PTAR1: variants seen among roughly 807,000 people sequenced by gnomAD.
PTAR1 encodes protein prenyltransferase alpha subunit repeat containing 1, also known as protein prenyltransferase alpha subunit repeat-containing protein 1.
Under a neutral mutation model 45.5 loss-of-function variants are expected in PTAR1, and 17 were observed. The ratio of observed to expected loss-of-function variants is 0.37; its 90% CI spans 0.26 to 0.56. The LOEUF (loss-of-function observed/expected upper bound fraction) is 0.56. Among genes scored for constraint, PTAR1 ranks in the 20% least tolerant of loss-of-function variants. The pLI is 0.77. For synonymous variants in PTAR1, 169 were observed against 171.3 expected (o/e 0.99, Z 0.11); for missense variants, 391 against 476.3 (o/e 0.82, Z 1.67).
chr9:69,734,451 T>G (rs1825689826), intron 3 of PTAR1, among the ~76,000 whole-genome samples, 197 bp from the exon 4 acceptor site: 1 of 152,046 alleles, frequency 6.6e-6, no homozygotes, highest in Non-Finnish European at 1.5e-5. Context: ...TAATCAAGAA[T>G]GTATTCTCAT....
intron 1 of PTAR1, among the ~76,000 whole-genome samples, chr9:69,751,190 A>G (rs984669045): frequency 3.3e-5 from 5 of 152,136 alleles, no homozygotes; most frequent in African/African-American, 9.7e-5. Context: ...AACTTAAAAA[A>G]AAGTCTTTCA....
At chr9:69,759,739 G>A (rs1042021077) in intron 1 of PTAR1, 114 bp downstream of exon 1, 1 of 1,044,276 alleles carries the variant, frequency 9.6e-7, no homozygotes, top group Non-Finnish European at 1.3e-6. Context: ...CTCCCTAGAA[G>A]GGCTCGTGGG....
rs540357988 is a variant in PTAR1 at position 69,759,341 on chromosome 9, T to C, written c.86+512A>G. On this transcript the variant is annotated intron_variant, in intron 1 of 7. Coordinates refer to ENST00000340434, the MANE Select transcript of PTAR1 (RefSeq NM_001099666.2). ...TATTATCGGAGTCACTTTACAATTT[T>C]GTGGCAAGTAAGGCTAAAGTCAAAA... Among the ~76,000 whole-genome samples the C allele has an allele frequency of 3.9e-5, 6 of 152,310 alleles. No homozygotes were observed. The South Asian group carries it at 1.2e-3, about 32-fold the overall frequency.
At position 69,718,343 on chromosome 9, in the gene PTAR1, C is replaced by T. The variant is rs770404404; in HGVS notation, c.1208G>A (p.Ter403=). Residue 403 remains the stop codon, a stop_retained_variant, in exon 8 of 8, where the codon TGA becomes TAA. Coordinates refer to ENST00000340434, the MANE Select transcript of PTAR1 (RefSeq NM_001099666.2). The stretch of plus-strand genomic sequence containing the variant: ...CCTTGTAGGACTAATTCACCTCTTT[C>T]ATTGACTCAAAGTAACCAGCCATTT... The part of the protein sequence containing the change: ...YRKWLVTLSQ[*] The T allele has an allele frequency of 3.1e-6, 5 of 1,592,584 alleles. No individual in the cohort carries two copies.
chr9:69,747,897 C>A (rs1359610620), intron 2 of PTAR1, among the ~76,000 whole-genome samples: 1 of 152,168 alleles, frequency 6.6e-6, no homozygotes, highest in East Asian at 1.9e-4. Context: ...ACTGTGAAGG[C>A]CCTTGAATAC....
chr9:69,733,378 C>A (rs919378592), intron 4 of PTAR1, among the ~76,000 whole-genome samples: 1 of 152,122 alleles, frequency 6.6e-6, no homozygotes, highest in African/African-American at 2.4e-5. Context: ...GACATAAGAT[C>A]CTAAAAATGC....
intron 6 of PTAR1, among the ~76,000 whole-genome samples, chr9:69,721,148 C>T (rs938874608): frequency 1.3e-5 from 2 of 152,174 alleles, no homozygotes; most frequent in Non-Finnish European, 2.9e-5. Flanking sequence ...ATTTTAGATG[C>T]CATTAAGAAC....
intron 3 of PTAR1, among the ~76,000 whole-genome samples, chr9:69,735,804 T>A (rs1825760908): frequency 6.6e-6 from 1 of 152,068 alleles, no homozygotes; most frequent in Non-Finnish European, 1.5e-5. Context: ...TTATACCATA[T>A]CTACTTAGAC....
chr9:69,734,231 G>A lies in PTAR1; in HGVS notation c.347C>T (p.Thr116Ile). 8 of 699,448 alleles carry A rather than the reference G, an allele frequency of 1.1e-5. No homozygotes were observed. Among genetic ancestry groups the A allele is most frequent in the Non-Finnish European group, 1.9e-5 (8 of 431,978 alleles). The allele number at this position is 699,448 out of a possible 1,614,324, so 43.3% of individuals were successfully genotyped here. ...ATGTAAATCCTTAATTGGATTTAAA[G>A]TGCCAGAGAGGATCAGCTCTTTCCT... ...NVRKELILSG[T>I]LNPIKDLHLG... The change falls in exon 4 of 8, where the codon ACT becomes ATT. Residue 116 changes from threonine (T) to isoleucine (I), a missense_variant. Thr to Ile is a moderately conservative substitution (Grantham distance 89). Around this residue, in one of 5 missense-constraint regions of PTAR1, gnomAD observed 152 missense variants for 160.0 expected, o/e 0.95. Coordinates refer to ENST00000340434, the MANE Select transcript of PTAR1 (RefSeq NM_001099666.2).
At chr9:69,734,277 A>AAAG in intron 3 of PTAR1, 23 bp from the exon 4 acceptor site, 1 of 1,176,298 alleles carries the variant, frequency 8.5e-7, no homozygotes, top group Non-Finnish European at 1.2e-6. Flanking sequence ...AAAAAAAAAA[A>AAAG]AAAAAAAATT....
chr9:69,717,139 G>C lies in PTAR1; in HGVS notation c.*1203C>G, dbSNP rs1306099798. On this transcript the variant is annotated 3_prime_UTR_variant, in exon 8 of 8. Coordinates refer to ENST00000340434, the MANE Select transcript of PTAR1 (RefSeq NM_001099666.2). Reference sequence around the variant, plus strand: ...ATTAAGTTCAGTATCAAAGTGTTTTGTTTTGCACATACTATTCCTTCCCTT... The same window carrying C: ...ATTAAGTTCAGTATCAAAGTGTTTTCTTTTGCACATACTATTCCTTCCCTT... The C allele has an allele frequency of 2.0e-5, 3 of 152,106 alleles. No homozygotes were observed. The highest frequency in any genetic ancestry group is 7.2e-5 in the African/African-American group (3 of 41,434). 9.4% of individuals were successfully genotyped at this position (152,106 alleles called of 1,614,324 possible). A position where few individuals can be genotyped will look rare whatever the true frequency, so the allele number is the denominator to read the frequency against.
At chr9:69,728,192 G>A (rs771806414) in intron 5 of PTAR1, among the ~76,000 whole-genome samples, 2 of 151,946 alleles carry the variant, frequency 1.3e-5, no homozygotes, top group African/African-American at 2.4e-5. Context: ...CCATTCCTCA[G>A]GTGAGGTATT....
At chr9:69,719,783 T>A (rs1442432031) in intron 6 of PTAR1, among the ~76,000 whole-genome samples, 3 of 152,206 alleles carry the variant, frequency 2.0e-5, no homozygotes, top group Non-Finnish European at 4.4e-5. Context: ...GTGTCACATT[T>A]TGGTAACATT....
Position 69,759,976 on chromosome 9 carries a change from G to A in PTAR1, c.-38C>T. The A allele has an allele frequency of 1.4e-6, 2 of 1,429,552 alleles. No homozygotes were observed. The highest frequency in any genetic ancestry group is 3.1e-5 in the East Asian group (1 of 31,816). The allele number at this position is 1,429,552 out of a possible 1,614,324, so 88.6% of individuals were successfully genotyped here. A position where few individuals can be genotyped will look rare whatever the true frequency, so the allele number is the denominator to read the frequency against. On this transcript the variant is annotated 5_prime_UTR_variant, in exon 1 of 8. In the 5' UTR this introduces an upstream ATG that the reference lacks. Coordinates refer to ENST00000340434, the MANE Select transcript of PTAR1 (RefSeq NM_001099666.2). ...CGCGACAGTTCGGGCGCGCCTCCGC[G>A]TGAGCCGGGCCGCCGGCGGGAGTTC...
chr9:69,756,516 T>C (rs1299120892), intron 1 of PTAR1, among the ~76,000 whole-genome samples: 1 of 152,162 alleles, frequency 6.6e-6, no homozygotes, highest in Non-Finnish European at 1.5e-5. Context: ...TTTTGCAGAA[T>C]GTATGAATGG....
intron 3 of PTAR1, among the ~76,000 whole-genome samples, chr9:69,734,827 CAT>C (rs1450429328): frequency 2.0e-5 from 3 of 152,168 alleles, no homozygotes; most frequent in African/African-American, 7.2e-5. Flanking sequence ...TACATTTTAA[CAT>C]ATAATTTTAC....
intron 5 of PTAR1, among the ~76,000 whole-genome samples, chr9:69,726,755 G>A (rs560802565): frequency 9.9e-5 from 15 of 151,424 alleles, no homozygotes; most frequent in Middle Eastern, 3.4e-3. Context: ...TGCCTATTTT[G>A]CCTAATTCTC....
chr9:69,755,022 A>G (rs1275900201), intron 1 of PTAR1, among the ~76,000 whole-genome samples: 1 of 152,200 alleles, frequency 6.6e-6, no homozygotes, highest in Non-Finnish European at 1.5e-5. Flanking sequence ...TATCAAACAT[A>G]TCTCTAGTTA....
chr9:69,730,854 A>G (rs1825503259), intron 5 of PTAR1, among the ~76,000 whole-genome samples: 1 of 152,078 alleles, frequency 6.6e-6, no homozygotes, highest in Admixed American at 6.6e-5. Context: ...TGGAGAACAG[A>G]GAAAGGAACT....
Sources: allele counts gnomAD v4.1 joint callset (sites outside exome capture counted in the v4.1 genomes callset), GRCh38; gene constraint gnomAD v4.1.1; regional missense constraint gnomAD v4.1.1; transcripts MANE v1.5; gene names NCBI Gene and HGNC (gene_info 2026-07-23, HGNC 2026-07-21).